Variants in PCDHGB4 observed in about 807,000 individuals in gnomAD.
PCDHGB4 encodes the protein protocadherin gamma subfamily B, 4.
A neutral mutation model predicts 60.5 loss-of-function variants in PCDHGB4; 38 were observed. That is an observed-to-expected ratio of 0.63 (90% CI 0.48 to 0.82). The LOEUF (loss-of-function observed/expected upper bound fraction) is 0.82. PCDHGB4 is among the 40% of genes least tolerant of loss of function. The pLI is 0.00. For missense variants in PCDHGB4, 1,109 were observed against 1,209.6 expected, an observed-to-expected ratio of 0.92 and a Z score of 1.23; for synonymous variants, 456 against 509.7, an observed-to-expected ratio of 0.89 and a Z score of 1.42.
intron 2 of PCDHGB4, among the ~76,000 whole-genome samples, chr5:141,502,170 G>A (rs1165631931): frequency 6.6e-6 from 1 of 152,128 alleles, no homozygotes; most frequent in Admixed American, 6.5e-5. Context: ...TTCAGTTGAG[G>A]AATTTAACAT....
chr5:141,423,300 G>T, intron 1 of PCDHGB4: 2 of 1,614,146 alleles, frequency 1.2e-6, no homozygotes, highest in African/African-American at 1.3e-5. Context: ...CAGACCTCTC[G>T]CTGTACTTGG....
chr5:141,409,055 G>T (rs141881204), intron 1 of PCDHGB4: 10 of 1,614,038 alleles, frequency 6.2e-6, no homozygotes, highest in Non-Finnish European at 8.5e-6. Flanking sequence ...CCGAAGCACT[G>T]CCCAGAGCAC....
At chr5:141,415,482 G>A in intron 1 of PCDHGB4, 1 of 1,614,218 alleles carries the variant, frequency 6.2e-7, no homozygotes, top group Non-Finnish European at 8.5e-7. Flanking sequence ...ACTCGCGAAA[G>A]AGTCACCTGA....
In PCDHGB4 at chr5:141,494,676, C is replaced by T. The variant is rs2099755997; in HGVS notation, c.2398-131C>T. On this transcript the variant is annotated intron_variant, in intron 1 of 3. Transcript: ENST00000519479. ...TTTGTCTTTGGAGATGAGTCCACCCCTGCCCCCTCTTAGTCCGTTTTCTTC... is the reference window on the plus strand; with the variant it reads ...TTTGTCTTTGGAGATGAGTCCACCCTTGCCCCCTCTTAGTCCGTTTTCTTC... 1.7e-5 allele frequency: 26 copies of T among 1,550,800 alleles called. No individual in the cohort carries two copies. In the South Asian group the frequency reaches 3.0e-4, roughly 18 times the overall value.
At chr5:141,505,239 G>A (rs2099844708) in intron 2 of PCDHGB4, 154 bp from the exon 3 acceptor site, 1 of 886,092 alleles carries the variant, frequency 1.1e-6, no homozygotes, top group Middle Eastern at 5.9e-4. Context: ...GCTTCTGAAG[G>A]ATTGTAGAAG....
At chr5:141,465,488 G>A (rs2099104080) in intron 1 of PCDHGB4, among the ~76,000 whole-genome samples, 1 of 152,224 alleles carries the variant, frequency 6.6e-6, no homozygotes. Flanking sequence ...AGAGGAATGA[G>A]CGGGAGCATT....
At chr5:141,433,397 A>C (rs189987785) in intron 1 of PCDHGB4, among the ~76,000 whole-genome samples, 2 of 150,410 alleles carry the variant, frequency 1.3e-5, no homozygotes, top group African/African-American at 4.9e-5. Context: ...CTATCTATCT[A>C]TCTATCTATT....
At chr5:141,412,406 G>T (rs1278637068) in intron 1 of PCDHGB4, 1 of 152,046 alleles carries the variant, frequency 6.6e-6, no homozygotes, top group African/African-American at 2.4e-5. Context: ...ATCCCTGTAA[G>T]ATAAAGTATG....
intron 1 of PCDHGB4, among the ~76,000 whole-genome samples, chr5:141,452,072 G>A (rs550370876): frequency 1.3e-5 from 2 of 152,272 alleles, no homozygotes; most frequent in East Asian, 1.9e-4. Flanking sequence ...ACTTTTATTA[G>A]TTGGCATTAT....
chr5:141,503,392 C>T lies in PCDHGB4; in HGVS notation c.2457-2001C>T, dbSNP rs554732406. 1.2e-4 allele frequency among the ~76,000 whole-genome samples: 18 copies of T among 151,870 alleles called. No individual in the cohort carries two copies. The South Asian group carries it at 3.5e-3, about 30-fold the overall frequency. On this transcript the variant is annotated intron_variant, in intron 2 of 3. Transcript: ENST00000519479. ...CAGGTGGATCATGAGGTCAGGAGTT[C>T]GAAACCAACCTGGCCAATATGGTGA...
At chr5:141,421,926 C>A in intron 1 of PCDHGB4, 1 of 1,613,460 alleles carries the variant, frequency 6.2e-7, no homozygotes, top group Non-Finnish European at 8.5e-7. Flanking sequence ...GTGTGGTGGT[C>A]CTCGATGTAA....
At chr5:141,450,006 CTT>C (rs1554136305) in intron 1 of PCDHGB4, among the ~76,000 whole-genome samples, 13 of 132,938 alleles carry the variant, frequency 9.8e-5, no homozygotes, top group Non-Finnish European at 7.9e-5. Flanking sequence ...TGCCATGTCT[CTT>C]TTTTTTTTTT....
chr5:141,408,817 G>T (rs2095174337), intron 1 of PCDHGB4: 2 of 1,613,438 alleles, frequency 1.2e-6, no homozygotes, highest in Admixed American at 1.7e-5. Context: ...GGGAAGAACA[G>T]AGATCTCATA....
intron 3 of PCDHGB4, among the ~76,000 whole-genome samples, chr5:141,510,227 C>T (rs1010123412): frequency 1.3e-5 from 2 of 150,454 alleles, no homozygotes; most frequent in African/African-American, 2.5e-5. Context: ...GAGCCGGGAT[C>T]GCGCCACTGC....
intron 1 of PCDHGB4, chr5:141,390,890 G>C (rs1043821773): frequency 5.2e-5 from 8 of 152,592 alleles, no homozygotes; most frequent in African/African-American, 1.9e-4. Flanking sequence ...GTGTGTGTGA[G>C]AGAGATCCTT....
At chr5:141,447,232 C>T (rs988057696) in intron 1 of PCDHGB4, among the ~76,000 whole-genome samples, 3 of 152,062 alleles carry the variant, frequency 2.0e-5, no homozygotes, top group East Asian at 1.9e-4. Flanking sequence ...CTCCGCCTCC[C>T]GGGTTCAAGT....
intron 1 of PCDHGB4, chr5:141,428,236 G>A (rs1474911413): frequency 9.7e-7 from 1 of 1,026,978 alleles, no homozygotes; most frequent in Admixed American, 1.9e-5. Context: ...CAGCCTGCAG[G>A]AGGCACTGCC....
chr5:141,476,523 C>G lies in PCDHGB4; in HGVS notation c.2398-18284C>G. On this transcript the variant is annotated intron_variant, in intron 1 of 3. Transcript: ENST00000519479. This position sits in a 1 kb window ranked among gnomAD's most constrained non-coding sequence, Gnocchi z 7.6. ...ATCAACGACAACAATCCTGCTTTCC[C>G]TACCCAGGAAATGAAATTGGAGATT... is the stretch of plus-strand genomic sequence containing the variant. 1 of 1,614,218 alleles carries G rather than the reference C, an allele frequency of 6.2e-7. No individual in the cohort carries two copies.
At chr5:141,409,567 G>T (rs974585499) in intron 1 of PCDHGB4, 2 of 1,613,896 alleles carry the variant, frequency 1.2e-6, no homozygotes, top group Non-Finnish European at 1.7e-6. Context: ...TCGACCAGAC[G>T]TCCTACGTGG....
Sources: gnomAD v4.1 joint callset for allele counts (sites outside exome capture counted in the v4.1 genomes callset) on GRCh38, gnomAD v4.1.1 for gene constraint, Gnocchi (gnomAD v3.1) non-coding constraint, MANE v1.5 for transcripts, NCBI Gene and HGNC (gene_info 2026-07-23, HGNC 2026-07-21) for gene names.